The following RBBP8 variants were observed in gnomAD, a reference collection of about 807,000 sequenced individuals.
RBBP8 encodes the protein DNA endonuclease RBBP8.
RBBP8 carries 88 observed loss-of-function variants against 108.3 expected under a neutral mutation model. The ratio of observed to expected loss-of-function variants is 0.81; its 90% CI spans 0.68 to 0.97. The LOEUF (loss-of-function observed/expected upper bound fraction) is 0.97. Among genes scored for constraint, RBBP8 ranks in the 50% least tolerant of loss-of-function variants. RBBP8 has a pLI of 0.00. For synonymous variants in RBBP8, 332 were observed against 348.2 expected, an observed-to-expected ratio of 0.95 and a Z score of 0.52; for missense variants, 1,023 against 1,049.0, an observed-to-expected ratio of 0.98 and a Z score of 0.34.
At chr18:23,014,818 T>C (rs1313857896) in intron 16 of RBBP8, among the ~76,000 whole-genome samples, 1 of 152,204 alleles carries the variant, frequency 6.6e-6, no homozygotes, top group Non-Finnish European at 1.5e-5. Context: ...ATGCCTAATA[T>C]TTTGAAGAAT....
At chr18:22,956,175 AT>A (rs1220895284) in intron 4 of RBBP8, among the ~76,000 whole-genome samples, 4 of 151,988 alleles carry the variant, frequency 2.6e-5, no homozygotes, top group African/African-American at 9.7e-5. Flanking sequence ...CTTTTGGTGA[AT>A]TTCTGCTTTA....
At chr18:23,009,910 C>T (rs1307263041) in intron 16 of RBBP8, among the ~76,000 whole-genome samples, 3 of 152,282 alleles carry the variant, frequency 2.0e-5, no homozygotes, top group Non-Finnish European at 4.4e-5. Flanking sequence ...TACAGGCATG[C>T]GCCACCACGC....
rs757154095 is a variant in RBBP8, at chr18:23,026,133, T to G, written c.2597-10T>G. ...CATACAGTCTTCTAAGTTTATGATTTGTTTTTAAGGTTATATTAAGGAAGA... is the reference window on the plus strand; with the variant it reads ...CATACAGTCTTCTAAGTTTATGATTGGTTTTTAAGGTTATATTAAGGAAGA... On this transcript the variant is annotated splice_polypyrimidine_tract_variant and intron_variant, in intron 18 of 18. Coordinates refer to ENST00000327155, the MANE Select transcript of RBBP8 (RefSeq NM_002894.3). The G allele has an allele frequency of 2.8e-4, 441 of 1,600,794 alleles. No individual in the cohort carries two copies. The highest frequency in any genetic ancestry group is 3.5e-4 in the Non-Finnish European group (414 of 1,168,432).
intron 18 of RBBP8, among the ~76,000 whole-genome samples, chr18:23,024,305 T>G (rs917473624): frequency 2.0e-5 from 3 of 152,202 alleles, no homozygotes; most frequent in Admixed American, 6.5e-5. Flanking sequence ...GGTACAGACA[T>G]TCAATCAAAC....
chr18:23,005,369 A>C (rs1457117461), intron 15 of RBBP8, among the ~76,000 whole-genome samples: 1 of 152,186 alleles, frequency 6.6e-6, no homozygotes, highest in Non-Finnish European at 1.5e-5. Context: ...CATTGTGTAC[A>C]TATATCAGAG....
chr18:23,007,030 T>G (rs562391453), intron 16 of RBBP8, among the ~76,000 whole-genome samples: 20 of 150,818 alleles, frequency 1.3e-4, no homozygotes, highest in African/African-American at 4.4e-4. Flanking sequence ...TCTTTTTTTT[T>G]TTTTTTTGGA....
chr18:22,941,931 A>AT (rs1251808744), intron 2 of RBBP8, among the ~76,000 whole-genome samples: 1 of 152,154 alleles, frequency 6.6e-6, no homozygotes, highest in Non-Finnish European at 1.5e-5. Context: ...AATAAGTACT[A>AT]TTTTTTAAGT....
At chr18:23,004,236 T>TA (rs2144757087) in intron 15 of RBBP8, among the ~76,000 whole-genome samples, 1 of 151,948 alleles carries the variant, frequency 6.6e-6, no homozygotes, top group South Asian at 2.1e-4. Context: ...AGTGTCTACT[T>TA]ACAGATAAAG....
upstream of RBBP8, among the ~76,000 whole-genome samples, chr18:22,932,985 C>T (rs1030651056): frequency 6.6e-6 from 1 of 152,220 alleles, no homozygotes; most frequent in African/African-American, 2.4e-5. Context: ...TCCATACCCC[C>T]CATCAGTTAA....
rs565499789 is a variant in RBBP8, at chr18:22,921,891, T to C, written c.-154+4865T>C. ...GTCCAGCATTGATCCAAAGACTTTATTGTTTAAGTTTTCACACTAGTAAAG... is the reference window on the plus strand; with the variant it reads ...GTCCAGCATTGATCCAAAGACTTTACTGTTTAAGTTTTCACACTAGTAAAG... On this transcript the variant is annotated intron_variant, in intron 3 of 4. Coordinates refer to the RBBP8 transcript ENST00000577588. 1.7e-4 allele frequency among the ~76,000 whole-genome samples: 26 copies of C among 152,346 alleles called. No individual in the cohort carries two copies. The South Asian group carries it at 4.3e-3, about 25-fold the overall frequency.
chr18:23,003,272 C>T (rs1482765777), intron 15 of RBBP8, among the ~76,000 whole-genome samples: 2 of 152,202 alleles, frequency 1.3e-5, no homozygotes, highest in East Asian at 3.8e-4. Flanking sequence ...TCAGCTTAAA[C>T]GTAATGTCTA....
intron 4 of RBBP8, among the ~76,000 whole-genome samples, chr18:22,959,424 T>C (rs1368275607): frequency 3.3e-5 from 5 of 152,240 alleles, no homozygotes; most frequent in African/African-American, 4.8e-5. Flanking sequence ...GCTCTGTGTG[T>C]GTGTGTTTCC....
At chr18:22,934,691 G>A (rs1352944560) in intron 1 of RBBP8, 1 of 149,162 alleles carries the variant, frequency 6.7e-6, no homozygotes, top group Admixed American at 6.7e-5. Flanking sequence ...GCAGGCCCCG[G>A]TGTGTGACGT....
chr18:22,965,027 A>G (rs1913452954), intron 4 of RBBP8, among the ~76,000 whole-genome samples: 1 of 152,134 alleles, frequency 6.6e-6, no homozygotes, highest in Non-Finnish European at 1.5e-5. Flanking sequence ...GTGAGGGGGA[A>G]AAATTAGCTT....
At chr18:22,958,507 T>G (rs1912781883) in intron 4 of RBBP8, among the ~76,000 whole-genome samples, 1 of 152,224 alleles carries the variant, frequency 6.6e-6, no homozygotes, top group African/African-American at 2.4e-5. Context: ...TTAATATTAT[T>G]TAATGCCTTA....
At chr18:23,006,311 A>G in intron 15 of RBBP8, 52 bp from the exon 16 acceptor site, 1 of 1,492,274 alleles carries the variant, frequency 6.7e-7, no homozygotes, top group Middle Eastern at 2.0e-4. Flanking sequence ...CTAGTTAATT[A>G]TTTCTCATTA....
chr18:22,974,851 T>C (rs1037283650), intron 5 of RBBP8, among the ~76,000 whole-genome samples: 1 of 152,172 alleles, frequency 6.6e-6, no homozygotes, highest in African/African-American at 2.4e-5. Context: ...GATGGAATGC[T>C]TTCTTGTCCT....
chr18:22,961,457 T>A (rs1913091396), intron 4 of RBBP8, among the ~76,000 whole-genome samples: 1 of 152,092 alleles, frequency 6.6e-6, no homozygotes, highest in Non-Finnish European at 1.5e-5. Flanking sequence ...ATATTTTAAG[T>A]ACTCAGGCAT....
At chr18:22,929,744 C>A (rs370108885), upstream of RBBP8, among the ~76,000 whole-genome samples, 49 of 152,084 alleles carry the variant, frequency 3.2e-4, no homozygotes, top group African/African-American at 9.9e-4. Context: ...AAGAAAAAAG[C>A]AAGTTTAGGA....
Sources: allele counts gnomAD v4.1 joint callset (sites outside exome capture counted in the v4.1 genomes callset), GRCh38; gene constraint gnomAD v4.1.1; transcripts MANE v1.5; gene names NCBI Gene and HGNC (gene_info 2026-07-23, HGNC 2026-07-21).